The following GALNTL6 variants were observed in gnomAD, a reference collection of about 807,000 sequenced individuals.
The protein encoded by GALNTL6 is polypeptide N-acetylgalactosaminyltransferase like 6.
GALNTL6 carries 46 observed loss-of-function variants against 73.7 expected under a neutral mutation model. The ratio of observed to expected loss-of-function variants is 0.62; its 90% CI spans 0.49 to 0.80. The LOEUF (loss-of-function observed/expected upper bound fraction) is 0.80, where lower values mean the gene tolerates loss of function less well. GALNTL6 is among the 30% of genes least tolerant of loss of function. The pLI, the probability that GALNTL6 is intolerant of heterozygous loss-of-function variation, is 0.00. For missense variants in GALNTL6, 604 were observed against 755.0 expected (o/e 0.80, Z 2.34); for synonymous variants, 259 against 263.7 (o/e 0.98, Z 0.17).
At chr4:172,090,512 T>C (rs1732173259) in intron 2 of GALNTL6, among the ~76,000 whole-genome samples, 1 of 152,220 alleles carries the variant, frequency 6.6e-6, no homozygotes, top group Non-Finnish European at 1.5e-5. Context: ...TTGAGAAGTG[T>C]CTGTTCATAT....
chr4:172,452,371 A>G (rs1732244942), intron 5 of GALNTL6, among the ~76,000 whole-genome samples: 1 of 142,174 alleles, frequency 7.0e-6, no homozygotes, highest in Admixed American at 6.8e-5. Context: ...ACAGCAGCGA[A>G]AGAAAAAAAA....
At chr4:172,438,083 G>T (rs1159585035) in intron 5 of GALNTL6, among the ~76,000 whole-genome samples, 6 of 152,076 alleles carry the variant, frequency 3.9e-5, no homozygotes, top group African/African-American at 1.4e-4. Context: ...TTTTGGCCAT[G>T]AAGTCATTTC....
chr4:171,827,323 T>A (rs1313061964), intron 2 of GALNTL6, among the ~76,000 whole-genome samples: 1 of 152,158 alleles, frequency 6.6e-6, no homozygotes, highest in Non-Finnish European at 1.5e-5. Flanking sequence ...GTCTTAATTA[T>A]TTACAGGAAA....
chr4:172,761,727 C>T (rs766222730), intron 5 of GALNTL6, among the ~76,000 whole-genome samples: 5 of 150,900 alleles, frequency 3.3e-5, no homozygotes, highest in East Asian at 3.9e-4. Flanking sequence ...TATGGTAAAA[C>T]GTACTTGCTT....
chr4:171,923,424 G>T (rs1479805900), intron 2 of GALNTL6, among the ~76,000 whole-genome samples: 1 of 143,904 alleles, frequency 6.9e-6, no homozygotes, highest in Admixed American at 7.0e-5. Flanking sequence ...TTGAGACGGA[G>T]TCTCGCTTTG....
At chr4:172,118,201 T>C (rs1326294124) in intron 2 of GALNTL6, among the ~76,000 whole-genome samples, 3 of 152,198 alleles carry the variant, frequency 2.0e-5, no homozygotes, top group African/African-American at 7.2e-5. Context: ...TATTTTACTA[T>C]AGCTTTATTT....
chr4:172,585,455 G>A (rs1737372627), intron 5 of GALNTL6, among the ~76,000 whole-genome samples: 1 of 152,086 alleles, frequency 6.6e-6, no homozygotes, highest in South Asian at 2.1e-4. Flanking sequence ...CCCTCCCTGT[G>A]TCCATGTGTT....
intron 2 of GALNTL6, among the ~76,000 whole-genome samples, chr4:172,132,597 A>G (rs1396969533): frequency 2.6e-5 from 4 of 152,080 alleles, no homozygotes; most frequent in Non-Finnish European, 4.4e-5. Context: ...TCCCATGTCC[A>G]TTACTTAAAT....
intron 2 of GALNTL6, among the ~76,000 whole-genome samples, chr4:172,173,446 C>T (rs945026421): frequency 4.6e-5 from 7 of 152,200 alleles, no homozygotes; most frequent in Admixed American, 3.9e-4. Context: ...TGCAGCTTGT[C>T]GAGGCACACA....
At chr4:171,951,148 C>T (rs966124038) in intron 2 of GALNTL6, among the ~76,000 whole-genome samples, 3 of 151,552 alleles carry the variant, frequency 2.0e-5, no homozygotes, top group African/African-American at 7.3e-5. Flanking sequence ...TACAATTAAA[C>T]ATGAGAAATA....
At chr4:172,336,751 T>C (rs957745860) in intron 4 of GALNTL6, among the ~76,000 whole-genome samples, 1 of 152,192 alleles carries the variant, frequency 6.6e-6, no homozygotes, top group African/African-American at 2.4e-5. Context: ...TGGGGATGTA[T>C]ATCAAGTACA....
intron 5 of GALNTL6, among the ~76,000 whole-genome samples, chr4:172,629,311 T>C (rs956547296): frequency 5.3e-5 from 8 of 152,156 alleles, no homozygotes; most frequent in Admixed American, 4.6e-4. Flanking sequence ...AGATAATAAA[T>C]TTATTATTTA....
At chr4:172,108,142 AACTTT>A (rs1305884757) in intron 2 of GALNTL6, among the ~76,000 whole-genome samples, 12 of 152,172 alleles carry the variant, frequency 7.9e-5, no homozygotes, top group South Asian at 4.1e-4. Flanking sequence ...TAAATTTACA[AACTTT>A]ACTTTAGATA....
At chr4:172,190,953 G>T (rs757922434) in intron 2 of GALNTL6, among the ~76,000 whole-genome samples, 1 of 152,166 alleles carries the variant, frequency 6.6e-6, no homozygotes, top group African/African-American at 2.4e-5. Flanking sequence ...TCTTCCTCGT[G>T]ATTTTTTCCT....
At chr4:172,627,548 T>C (rs1386963449) in intron 5 of GALNTL6, among the ~76,000 whole-genome samples, 6 of 151,964 alleles carry the variant, frequency 3.9e-5, no homozygotes, top group Non-Finnish European at 8.8e-5. Context: ...TTTTTTTTTT[T>C]CGAATAGTTT....
chr4:172,455,570 A>G (rs1198971748), intron 5 of GALNTL6, among the ~76,000 whole-genome samples: 1 of 152,096 alleles, frequency 6.6e-6, no homozygotes, highest in African/African-American at 2.4e-5. Flanking sequence ...TTTTCCCTTC[A>G]CAGTGTAAAC....
intron 7 of GALNTL6, among the ~76,000 whole-genome samples, chr4:172,835,784 T>C (rs536121482): frequency 6.6e-6 from 1 of 152,210 alleles, no homozygotes; most frequent in East Asian, 1.9e-4. Flanking sequence ...AGTAAGCAGA[T>C]AAGTTAGAGG....
At chr4:171,933,715 AT>A (rs1033399280) in intron 2 of GALNTL6, among the ~76,000 whole-genome samples, 3 of 150,562 alleles carry the variant, frequency 2.0e-5, no homozygotes, top group Admixed American at 6.6e-5. Flanking sequence ...TATTTTACTA[AT>A]TTTTTTTCTC....
chr4:172,691,261 C>A (rs1733267349), intron 5 of GALNTL6, among the ~76,000 whole-genome samples: 1 of 152,080 alleles, frequency 6.6e-6, no homozygotes. Context: ...AATATCTGGA[C>A]AGAGGGTTCA....
Sources: allele counts gnomAD v4.1 joint callset (sites outside exome capture counted in the v4.1 genomes callset), GRCh38; gene constraint gnomAD v4.1.1; transcripts MANE v1.5; gene names NCBI Gene and HGNC (gene_info 2026-07-23, HGNC 2026-07-21).